SCP2: variants seen among roughly 807,000 people sequenced by gnomAD.
SCP2 encodes the protein sterol carrier protein 2.
SCP2 carries 48 observed loss-of-function variants against 71.4 expected under a neutral mutation model. The ratio of observed to expected loss-of-function variants is 0.67; its 90% CI spans 0.53 to 0.86. SCP2 has a LOEUF of 0.86. Ranked by LOEUF, SCP2 falls within the 40% of genes least tolerant of loss-of-function variation. The pLI, the probability that SCP2 is intolerant of heterozygous loss-of-function variation, is 0.00. For synonymous variants in SCP2, 220 were observed against 218.1 expected (o/e 1.01, Z -0.08); for missense variants, 560 against 655.6 (o/e 0.85, Z 1.59).
intron 12 of SCP2, among the ~76,000 whole-genome samples, chr1:53,017,942 C>T (rs1327471979): frequency 6.6e-6 from 1 of 152,206 alleles, no homozygotes; most frequent in Middle Eastern, 3.2e-3. Flanking sequence ...GCAACCTCCG[C>T]CTCCCAGGTG....
Position 52,943,261 on chromosome 1 carries a change from C to T in SCP2, c.127+1408C>T, listed in dbSNP as rs540629699. Among the ~76,000 whole-genome samples, 194 of 149,520 alleles carry T rather than the reference C, an allele frequency of 1.3e-3. 2 individuals carry two copies. The highest frequency in any genetic ancestry group is 4.4e-3 in the African/African-American group (177 of 40,660). On this transcript the variant is annotated intron_variant, in intron 2 of 15. Coordinates refer to ENST00000371514, the MANE Select transcript of SCP2 (RefSeq NM_002979.5). The stretch of plus-strand genomic sequence containing the variant: ...TTTTTGAGACGGAGTCTTGCTCTGT[C>T]GCCCAGGCTGGAGTGCAGTGGTGCA...
chr1:52,969,464 G>A (rs188162410), intron 6 of SCP2, among the ~76,000 whole-genome samples: 43 of 152,134 alleles, frequency 2.8e-4, no homozygotes, highest in African/African-American at 8.4e-4. Context: ...AGCCAAGGTC[G>A]CACCTCTGCA....
At chr1:52,953,919 C>T (rs1328671793) in intron 4 of SCP2, among the ~76,000 whole-genome samples, 1 of 150,626 alleles carries the variant, frequency 6.6e-6, no homozygotes, top group Admixed American at 6.6e-5. Flanking sequence ...GAGGTCTAGG[C>T]TTCAGTGAGC....
At chr1:52,993,104 A>T in intron 11 of SCP2, 1 of 1,390,106 alleles carries the variant, frequency 7.2e-7, no homozygotes, top group Non-Finnish European at 1.0e-6. Context: ...CATTTGTCTA[A>T]GGCTAGAAAG....
At chr1:52,948,424 T>C (rs1422994170) in intron 3 of SCP2, among the ~76,000 whole-genome samples, 1 of 152,066 alleles carries the variant, frequency 6.6e-6, no homozygotes, top group Non-Finnish European at 1.5e-5. Context: ...GGCAGGCGGA[T>C]CACGAGGTCA....
chr1:52,965,740 T>G (rs1169528086), intron 6 of SCP2, among the ~76,000 whole-genome samples: 1 of 152,126 alleles, frequency 6.6e-6, no homozygotes, highest in Non-Finnish European at 1.5e-5. Context: ...ATTCAAGCGA[T>G]TCTCCTGCCT....
intron 6 of SCP2, 29 bp from the exon 7 acceptor site, chr1:52,974,740 C>T (rs1657796736): frequency 2.6e-6 from 3 of 1,168,096 alleles, no homozygotes; most frequent in Admixed American, 1.7e-5. Flanking sequence ...AAACATTCAC[C>T]CACTGGTAGA....
At chr1:53,004,210 C>A (rs1264189821) in intron 11 of SCP2, among the ~76,000 whole-genome samples, 2 of 152,182 alleles carry the variant, frequency 1.3e-5, no homozygotes, top group African/African-American at 4.8e-5. Context: ...GAACAGCATG[C>A]AACTTAAAAC....
At chr1:53,005,126 A>C (rs913020870) in intron 11 of SCP2, among the ~76,000 whole-genome samples, 1 of 152,128 alleles carries the variant, frequency 6.6e-6, no homozygotes, top group Non-Finnish European at 1.5e-5. Context: ...AGTGGCTGGG[A>C]AGCTTGAACT....
At chr1:52,992,072 A>T (rs1427836947) in intron 11 of SCP2, among the ~76,000 whole-genome samples, 3 of 152,230 alleles carry the variant, frequency 2.0e-5, no homozygotes, top group Non-Finnish European at 4.4e-5. Context: ...TCAGAGTCTC[A>T]TCCTGTTGTA....
chr1:53,033,567 A>G (rs969119429), intron 13 of SCP2, among the ~76,000 whole-genome samples: 2 of 149,508 alleles, frequency 1.3e-5, no homozygotes, highest in African/African-American at 5.0e-5. Flanking sequence ...ATTGCACCAC[A>G]GCACTCCAGC....
At chr1:52,994,877 A>G (rs1572159258) in intron 11 of SCP2, 2 of 511,376 alleles carry the variant, frequency 3.9e-6, no homozygotes, top group East Asian at 9.9e-5. Context: ...TCCATGTACT[A>G]CAGTGAAGCC....
At chr1:52,969,007 C>G (rs1657220872) in intron 6 of SCP2, among the ~76,000 whole-genome samples, 1 of 151,774 alleles carries the variant, frequency 6.6e-6, no homozygotes. Context: ...AGGTGATCAT[C>G]TTAAAGATCT....
At chr1:53,036,037 AAAAGAAAACTGAGATTCAG>A (rs1278194408) in intron 13 of SCP2, among the ~76,000 whole-genome samples, 1 of 119,274 alleles carries the variant, frequency 8.4e-6, no homozygotes, top group African/African-American at 4.8e-5. Context: ...AAAAAAAAAA[AAAAGAAAACTGAGATTCAG>A]AAAGTAACTT....
chr1:53,043,376 GC>G (rs1240384101), intron 14 of SCP2, among the ~76,000 whole-genome samples: 1 of 152,166 alleles, frequency 6.6e-6, no homozygotes, highest in Non-Finnish European at 1.5e-5. Context: ...GTTTGTCTCA[GC>G]CCCTCAAAAG....
At chr1:53,027,424 T>G (rs1662211538) in intron 12 of SCP2, among the ~76,000 whole-genome samples, 1 of 152,192 alleles carries the variant, frequency 6.6e-6, no homozygotes, top group Admixed American at 6.5e-5. Context: ...GAGGGTAGCT[T>G]CTTTGGTTTA....
chr1:52,938,048 G>C lies in SCP2; in HGVS notation c.70-3748G>C, dbSNP rs1653891420. On this transcript the variant is annotated intron_variant, in intron 1 of 15. Coordinates refer to ENST00000371514, the MANE Select transcript of SCP2 (RefSeq NM_002979.5). ...AGCATAGTAGGTAAATTGTCATGCT[G>C]TTGGTGGCTGTGTCTTATGTAAATG... Among the ~76,000 whole-genome samples, 4 of 152,210 alleles carry C rather than the reference G, an allele frequency of 2.6e-5. No homozygotes were observed. In the South Asian group the frequency reaches 8.3e-4, roughly 32 times the overall value.
chr1:53,030,053 T>C (rs533824852), intron 13 of SCP2, among the ~76,000 whole-genome samples: 1 of 152,242 alleles, frequency 6.6e-6, no homozygotes, highest in Admixed American at 6.5e-5. Context: ...CACACCCAGC[T>C]AATTTTTGTA....
rs1557616921 is a variant in SCP2, at chr1:53,024,573, T to TC, written c.1236-3396_1236-3395insC. ...ATGCTACATTTCTTTCTTTCTTTTT[T>TC]TTTCTTTTTTTTTTTGAGATGGAGT... On this transcript the variant is annotated intron_variant, in intron 12 of 15. Transcript: ENST00000371514. Among the ~76,000 whole-genome samples, 23 of 140,192 alleles carry TC rather than the reference T, an allele frequency of 1.6e-4. No homozygotes were observed. The East Asian group carries it at 3.8e-3, about 23-fold the overall frequency. 92.0% of individuals were successfully genotyped at this position (140,192 alleles called of 152,430 possible). A position where few individuals can be genotyped will look rare whatever the true frequency, so the allele number is the denominator to read the frequency against.
Sources: gnomAD v4.1 joint callset for allele counts (sites outside exome capture counted in the v4.1 genomes callset) on GRCh38, gnomAD v4.1.1 for gene constraint, MANE v1.5 for transcripts, NCBI Gene and HGNC (gene_info 2026-07-23, HGNC 2026-07-21) for gene names.